B3GAT2: variants seen among roughly 807,000 people sequenced by gnomAD.
B3GAT2 encodes beta-1,3-glucuronyltransferase 2, also known as galactosylgalactosylxylosylprotein 3-beta-glucuronosyltransferase 2.
In B3GAT2, 26 loss-of-function variants were observed where a neutral mutation model predicts 27.8. The ratio of observed to expected loss-of-function variants is 0.93; its 90% CI spans 0.68 to 1.30. B3GAT2 has a LOEUF of 1.30. Among genes scored for constraint, B3GAT2 ranks in the 50% most tolerant of loss-of-function variants. The probability of loss-of-function intolerance (pLI) is 0.00; values close to 1 mark genes in which losing one functional copy is unlikely to be tolerated. For synonymous variants in B3GAT2, 218 were observed against 195.1 expected (o/e 1.12, Z -0.98); for missense variants, 458 against 459.0 (o/e 1.00, Z 0.02).
chr6:70,951,920 T>C (rs146390294), intron 1 of B3GAT2, among the ~76,000 whole-genome samples: 1,959 of 152,192 alleles, frequency 0.013, 18 homozygotes, highest in South Asian at 0.028. Context: ...TAAAAAGAAT[T>C]ACCCTAAATA....
intron 1 of B3GAT2, among the ~76,000 whole-genome samples, chr6:70,937,991 T>A (rs527277716): frequency 2.4e-4 from 36 of 151,504 alleles, no homozygotes; most frequent in African/African-American, 8.7e-4. Flanking sequence ...CATGATTGTA[T>A]ATCTACAAAA....
Position 70,859,449 on chromosome 6 carries a change from T to G in B3GAT2, c.*2214A>C. 1 of 1,315,104 alleles carries G rather than the reference T, an allele frequency of 7.6e-7. No homozygotes were observed. Among genetic ancestry groups the G allele is most frequent in the Non-Finnish European group, 1.1e-6 (1 of 943,310 alleles). The allele number at this position is 1,315,104 out of a possible 1,614,324, so 81.5% of individuals were successfully genotyped here. ...GACGTGATCTGCTTCTTCAGACACT[T>G]ATGCCTGATTAGTGATGTAGTTTAT... On this transcript the variant is annotated 3_prime_UTR_variant, in exon 4 of 4. Transcript: ENST00000230053.
intron 1 of B3GAT2, among the ~76,000 whole-genome samples, chr6:70,938,488 A>G (rs1161740148): frequency 1.3e-5 from 2 of 151,910 alleles, no homozygotes; most frequent in East Asian, 3.8e-4. Flanking sequence ...GCATCACACT[A>G]CCTGACTTCA....
At chr6:70,883,484 T>C (rs1280807573) in intron 2 of B3GAT2, among the ~76,000 whole-genome samples, 1 of 142,626 alleles carries the variant, frequency 7.0e-6, no homozygotes, top group East Asian at 2.0e-4. Context: ...AAGGGACAAA[T>C]ATGATTCCAC....
At chr6:70,945,844 G>A (rs1765473621) in intron 1 of B3GAT2, among the ~76,000 whole-genome samples, 3 of 151,770 alleles carry the variant, frequency 2.0e-5, no homozygotes, top group South Asian at 4.2e-4. Flanking sequence ...TACCCACAAA[G>A]GGAAGCCCAT....
At chr6:70,882,546 C>G (rs1209688437) in intron 2 of B3GAT2, among the ~76,000 whole-genome samples, 2 of 152,020 alleles carry the variant, frequency 1.3e-5, no homozygotes, top group Non-Finnish European at 2.9e-5. Flanking sequence ...ATAAACTAGA[C>G]TTCTTCCAAA....
At chr6:70,909,891 T>A in intron 1 of B3GAT2, among the ~76,000 whole-genome samples, 1 of 152,184 alleles carries the variant, frequency 6.6e-6, no homozygotes. Context: ...CTTTTGTTTT[T>A]GAGACGGAGT....
chr6:70,944,560 C>A (rs1189614918), intron 1 of B3GAT2, among the ~76,000 whole-genome samples: 2 of 152,198 alleles, frequency 1.3e-5, no homozygotes, highest in Non-Finnish European at 2.9e-5. Flanking sequence ...GTAAACAAAG[C>A]AGCTGGGAAG....
intron 2 of B3GAT2, among the ~76,000 whole-genome samples, chr6:70,879,676 A>G (rs1772068788): frequency 6.6e-6 from 1 of 152,096 alleles, no homozygotes; most frequent in South Asian, 2.1e-4. Context: ...AGTGCTATGA[A>G]GGAAGGGTGC....
Position 70,936,154 on chromosome 6 carries a change from G to C in B3GAT2, c.591+19685C>G, listed in dbSNP as rs538500638. Among the ~76,000 whole-genome samples, 27 of 152,128 alleles carry C rather than the reference G, an allele frequency of 1.8e-4. 1 individual carries two copies. The highest frequency in any genetic ancestry group is 9.2e-4 in the Admixed American group (14 of 15,276). ...ACCAACAAAGATCAAAAGAGACAAAGAAGGCCGTTACATAACGGTAAAGGG... is the reference window on the plus strand; with the variant it reads ...ACCAACAAAGATCAAAAGAGACAAACAAGGCCGTTACATAACGGTAAAGGG... On this transcript the variant is annotated intron_variant, in intron 1 of 3. Transcript: ENST00000230053.
chr6:70,891,143 C>T (rs1489117619), intron 2 of B3GAT2, among the ~76,000 whole-genome samples: 1 of 152,134 alleles, frequency 6.6e-6, no homozygotes, highest in Non-Finnish European at 1.5e-5. Context: ...TCCTCAGATT[C>T]CTGAGGTGTA....
chr6:70,952,704 C>T (rs1765596178), intron 1 of B3GAT2, among the ~76,000 whole-genome samples: 1 of 152,178 alleles, frequency 6.6e-6, no homozygotes, highest in Non-Finnish European at 1.5e-5. Flanking sequence ...AACCCCACCA[C>T]CTCCTTCTCC....
chr6:70,939,654 A>T (rs1765355424), intron 1 of B3GAT2, among the ~76,000 whole-genome samples: 1 of 150,828 alleles, frequency 6.6e-6, no homozygotes. Flanking sequence ...AGGACAAAAA[A>T]CCAACACCGC....
chr6:70,950,975 G>C (rs1050595287), intron 1 of B3GAT2, among the ~76,000 whole-genome samples: 4 of 152,064 alleles, frequency 2.6e-5, no homozygotes, highest in African/African-American at 9.7e-5. Flanking sequence ...TCTGTGCTTT[G>C]GAGATGTATT....
At chr6:70,946,217 T>G (rs1209919193) in intron 1 of B3GAT2, among the ~76,000 whole-genome samples, 3 of 151,922 alleles carry the variant, frequency 2.0e-5, no homozygotes, top group African/African-American at 7.3e-5. Flanking sequence ...AATTCACACA[T>G]AACAATATTA....
At chr6:70,952,168 C>T (rs1308990030) in intron 1 of B3GAT2, among the ~76,000 whole-genome samples, 3 of 152,104 alleles carry the variant, frequency 2.0e-5, no homozygotes, top group African/African-American at 4.8e-5. Flanking sequence ...CTGAATAGCA[C>T]CCAACAAAAG....
rs199670250 is a variant in B3GAT2 at position 70,860,341 on chromosome 6, C to T, written c.*1322G>A. On this transcript the variant is annotated 3_prime_UTR_variant, in exon 4 of 4. Coordinates refer to ENST00000230053, the MANE Select transcript of B3GAT2 (RefSeq NM_080742.3). Reference sequence around the variant, plus strand: ...CACACAACTGTGGAAATGAAAACTGCAATACAAGTTTCATCCAGAACTACC... The same window carrying T: ...CACACAACTGTGGAAATGAAAACTGTAATACAAGTTTCATCCAGAACTACC... The T allele has an allele frequency of 6.2e-7, 1 of 1,603,326 alleles. No homozygotes were observed. The highest frequency in any genetic ancestry group is 1.1e-5 in the South Asian group (1 of 88,746).
At chr6:70,862,062 AAC>A (rs1208810047) in intron 2 of B3GAT2, 84 bp from the exon 3 acceptor site, 18 of 1,313,116 alleles carry the variant, frequency 1.4e-5, no homozygotes, top group Non-Finnish European at 1.6e-5. Flanking sequence ...GTCACATCAA[AAC>A]AGTTTTTAAA....
At chr6:70,867,332 G>C (rs1165918896) in intron 2 of B3GAT2, among the ~76,000 whole-genome samples, 1 of 151,904 alleles carries the variant, frequency 6.6e-6, no homozygotes, top group Non-Finnish European at 1.5e-5. Flanking sequence ...TATGAGAGCA[G>C]AAACGACTAA....
Sources: gnomAD v4.1 joint callset for allele counts (sites outside exome capture counted in the v4.1 genomes callset) on GRCh38, gnomAD v4.1.1 for gene constraint, MANE v1.5 for transcripts, NCBI Gene and HGNC (gene_info 2026-07-23, HGNC 2026-07-21) for gene names.